Variants in MACO1 observed in about 807,000 individuals in gnomAD.
MACO1 encodes macoilin 1, also known as macoilin.
A neutral mutation model predicts 78.7 loss-of-function variants in MACO1; 14 were observed. The observed-to-expected ratio is 0.18, with a 90% CI of 0.12 to 0.28. The LOEUF (loss-of-function observed/expected upper bound fraction) is 0.28. Ranked by LOEUF, MACO1 falls within the 10% of genes least tolerant of loss-of-function variation. The pLI, the probability that MACO1 is intolerant of heterozygous loss-of-function variation, is 1.00. For synonymous variants in MACO1, 288 were observed against 291.6 expected, an observed-to-expected ratio of 0.99 and a Z score of 0.12; for missense variants, 501 against 799.0, an observed-to-expected ratio of 0.63 and a Z score of 4.50.
chr1:25,439,177 A>G (rs1250351612), intron 1 of MACO1, among the ~76,000 whole-genome samples: 1 of 152,090 alleles, frequency 6.6e-6, no homozygotes. Flanking sequence ...AAATAGTACA[A>G]AGTACTTACA....
chr1:25,470,393 T>C (rs2043257118), intron 6 of MACO1, among the ~76,000 whole-genome samples: 1 of 152,040 alleles, frequency 6.6e-6, no homozygotes, highest in East Asian at 1.9e-4. Context: ...TAGCCCAAGG[T>C]TGTTAATAGG....
intron 1 of MACO1, among the ~76,000 whole-genome samples, chr1:25,441,599 A>G (rs1037465288): frequency 6.6e-6 from 1 of 152,214 alleles, no homozygotes; most frequent in Non-Finnish European, 1.5e-5. Context: ...TTTCTTGTGG[A>G]CTTTACATCC....
intron 10 of MACO1, 45 bp downstream of exon 10, chr1:25,491,629 C>T: frequency 6.5e-7 from 1 of 1,537,778 alleles, no homozygotes; most frequent in Non-Finnish European, 9.0e-7. Flanking sequence ...ACTGATAATG[C>T]ACAGGGATGC....
chr1:25,453,633 A>G (rs2043087935), intron 3 of MACO1, among the ~76,000 whole-genome samples: 1 of 144,502 alleles, frequency 6.9e-6, no homozygotes, highest in South Asian at 2.2e-4. Flanking sequence ...ACTGCACTCC[A>G]GCCTGGGCGA....
intron 10 of MACO1, among the ~76,000 whole-genome samples, chr1:25,496,701 GAA>G (rs563266090): frequency 2.8e-5 from 4 of 144,318 alleles, no homozygotes; most frequent in African/African-American, 1.0e-4. Context: ...GCTAACAATG[GAA>G]AAAAAAAAAG....
Position 25,491,421 on chromosome 1 carries a change from A to G in MACO1, c.1629A>G (p.Lys543=). Residue 543 remains lysine, a synonymous_variant, in exon 10 of 11, where the codon AAA becomes AAG. Coordinates refer to ENST00000374343, the MANE Select transcript of MACO1 (RefSeq NM_018202.6). The part of the protein sequence containing the change: ...ELELKVQELR[K]YKENEKDTEV... ...GATGATATTGATAGGAGCTTCGGAAATATAAGGAAAATGAGAAGGACACTG... is the reference window on the plus strand; with the variant it reads ...GATGATATTGATAGGAGCTTCGGAAGTATAAGGAAAATGAGAAGGACACTG... The G allele has an allele frequency of 6.2e-7, 1 of 1,614,228 alleles. No homozygotes were observed. The highest frequency in any genetic ancestry group is 1.3e-5 in the African/African-American group (1 of 75,070).
intron 6 of MACO1, among the ~76,000 whole-genome samples, chr1:25,464,749 C>T (rs1039955633): frequency 2.0e-5 from 3 of 151,768 alleles, no homozygotes; most frequent in Non-Finnish European, 2.9e-5. Flanking sequence ...CTTCACCTCC[C>T]GGGTTCAAGT....
chr1:25,489,914 G>A (rs919455548), intron 9 of MACO1, among the ~76,000 whole-genome samples: 3 of 152,044 alleles, frequency 2.0e-5, no homozygotes, highest in Non-Finnish European at 2.9e-5. Flanking sequence ...AAAAAGTAAA[G>A]GTGGCATCAG....
chr1:25,482,363 G>A (rs952876992), intron 6 of MACO1, among the ~76,000 whole-genome samples: 9 of 152,042 alleles, frequency 5.9e-5, no homozygotes, highest in African/African-American at 2.2e-4. Context: ...CAGCTCACAT[G>A]GCAGCCATCC....
chr1:25,488,247 T>C (rs1297737302), intron 8 of MACO1, among the ~76,000 whole-genome samples: 1 of 152,068 alleles, frequency 6.6e-6, no homozygotes, highest in Non-Finnish European at 1.5e-5. Flanking sequence ...AGACAGGGTC[T>C]CTCTGTGTTG....
intron 6 of MACO1, among the ~76,000 whole-genome samples, chr1:25,460,372 G>A (rs921715911): frequency 3.6e-4 from 55 of 151,142 alleles, no homozygotes; most frequent in Admixed American, 3.6e-3. Context: ...CAAAACATCT[G>A]TCACAGCTAT....
At chr1:25,496,397 C>T (rs998205486) in intron 10 of MACO1, among the ~76,000 whole-genome samples, 9 of 152,228 alleles carry the variant, frequency 5.9e-5, no homozygotes, top group Admixed American at 3.3e-4. Context: ...GTCCACCCAC[C>T]GCGGTCTCCC....
rs369442108 is a variant in MACO1 at position 25,471,116 on chromosome 1, A to T, written c.1154+12224A>T. 4.0e-4 allele frequency among the ~76,000 whole-genome samples: 61 copies of T among 152,300 alleles called. 1 individual carries two copies. The South Asian group carries it at 0.011, about 27-fold the overall frequency. ...CACTTTGGGAGGTCAAAGCAGGTGG[A>T]TCACATAAGGCCAGGAGTTCGAGAC... On this transcript the variant is annotated intron_variant, in intron 6 of 10. Transcript: ENST00000374343.
At chr1:25,484,323 C>T in intron 7 of MACO1, 49 bp downstream of exon 7, 1 of 1,519,948 alleles carries the variant, frequency 6.6e-7, no homozygotes, top group South Asian at 1.3e-5. Context: ...AGCTTCACTG[C>T]TTCTCCTGTT....
At chr1:25,453,907 A>G (rs1472808479) in intron 3 of MACO1, among the ~76,000 whole-genome samples, 3 of 152,120 alleles carry the variant, frequency 2.0e-5, no homozygotes, top group South Asian at 2.1e-4. Flanking sequence ...AGTAGTTAAC[A>G]TCTTTTTCTA....
At chr1:25,446,211 T>G (rs946706220) in intron 1 of MACO1, among the ~76,000 whole-genome samples, 9 of 152,184 alleles carry the variant, frequency 5.9e-5, no homozygotes, top group Non-Finnish European at 8.8e-5. Context: ...TTCTGTCTAT[T>G]TGGGGAAGTC....
At chr1:25,496,411 G>A (rs2124615943) in intron 10 of MACO1, among the ~76,000 whole-genome samples, 1 of 152,278 alleles carries the variant, frequency 6.6e-6, no homozygotes, top group South Asian at 2.1e-4. Flanking sequence ...GTCTCCCAAA[G>A]TGTTGGGATT....
At chr1:25,439,289 G>A (rs909775465) in intron 1 of MACO1, among the ~76,000 whole-genome samples, 1 of 151,978 alleles carries the variant, frequency 6.6e-6, no homozygotes, top group African/African-American at 2.4e-5. Context: ...CTTGCTACTT[G>A]GGAGGCTGAG....
rs2043558326 is a variant in MACO1, at chr1:25,498,593, A to T, written c.*127A>T. The stretch of plus-strand genomic sequence containing the variant: ...TGGAACTGTATCTGTTGTCATTTTT[A>T]AAAAGGGGGGAAAAGATAACATCCA... On this transcript the variant is annotated 3_prime_UTR_variant, in exon 11 of 11. Coordinates refer to ENST00000374343, the MANE Select transcript of MACO1 (RefSeq NM_018202.6). The T allele has an allele frequency of 1.1e-6, 1 of 897,334 alleles. No homozygotes were observed. Among genetic ancestry groups the T allele is most frequent in the South Asian group, 1.8e-5 (1 of 54,346 alleles). The allele number at this position is 897,334 out of a possible 1,614,324, so 55.6% of individuals were successfully genotyped here.
Sources: allele counts gnomAD v4.1 joint callset (sites outside exome capture counted in the v4.1 genomes callset), GRCh38; gene constraint gnomAD v4.1.1; transcripts MANE v1.5; gene names NCBI Gene and HGNC (gene_info 2026-07-23, HGNC 2026-07-21).